TSGA10: variants seen among roughly 807,000 people sequenced by gnomAD.
TSGA10 encodes the protein testis-specific gene 10 protein.
A neutral mutation model predicts 96.6 loss-of-function variants in TSGA10; 43 were observed. The ratio of observed to expected loss-of-function variants is 0.44; its 90% confidence interval spans 0.35 to 0.57. TSGA10 has a LOEUF of 0.57. Among genes scored for constraint, TSGA10 ranks in the 20% least tolerant of loss-of-function variants. TSGA10 has a pLI of 0.01. For missense variants in TSGA10, 703 were observed against 834.4 expected, an observed-to-expected ratio of 0.84 and a Z score of 1.94; for synonymous variants, 229 against 269.9, an observed-to-expected ratio of 0.85 and a Z score of 1.48.
chr2:99,076,752 C>A (rs1049634981), intron 12 of TSGA10, among the ~76,000 whole-genome samples: 1 of 152,142 alleles, frequency 6.6e-6, no homozygotes, highest in Non-Finnish European at 1.5e-5. Context: ...CTCATGAAAG[C>A]CACTGGACTC....
chr2:99,092,679 C>G (rs1031935466), intron 10 of TSGA10, among the ~76,000 whole-genome samples: 2 of 151,954 alleles, frequency 1.3e-5, no homozygotes, highest in Non-Finnish European at 2.9e-5. Context: ...CTAGAGGAGA[C>G]GGATAAATTC....
intron 1 of TSGA10, among the ~76,000 whole-genome samples, chr2:99,131,056 A>T (rs2093057172): frequency 6.6e-6 from 1 of 152,166 alleles, no homozygotes; most frequent in Non-Finnish European, 1.5e-5. Context: ...TATAGTTTGA[A>T]GTCAGGTAGC....
chr2:99,068,551 T>G (rs1476743678), intron 15 of TSGA10, among the ~76,000 whole-genome samples: 1 of 152,128 alleles, frequency 6.6e-6, no homozygotes, highest in Non-Finnish European at 1.5e-5. Flanking sequence ...TGCTACATAA[T>G]CAGGTGGAAC....
chr2:99,074,293 C>T (rs149934202), intron 12 of TSGA10, among the ~76,000 whole-genome samples: 2 of 151,754 alleles, frequency 1.3e-5, no homozygotes, highest in African/African-American at 2.4e-5. Context: ...GGATTACAGG[C>T]GTAAGCCACT....
chr2:99,076,227 CA>C (rs2086685149), intron 12 of TSGA10, among the ~76,000 whole-genome samples: 1 of 152,092 alleles, frequency 6.6e-6, no homozygotes, highest in South Asian at 2.1e-4. Flanking sequence ...AGCCAGAAAC[CA>C]TACCTTGTCA....
At chr2:99,117,803 C>G in intron 3 of TSGA10, 44 bp from the exon 4 acceptor site, 1 of 938,380 alleles carries the variant, frequency 1.1e-6, no homozygotes, top group Non-Finnish European at 1.3e-6. Context: ...AATTCCTTAG[C>G]TTTTTTCTGG....
intron 16 of TSGA10, 105 bp from the exon 17 acceptor site, chr2:99,035,544 T>C (rs2081540077): frequency 1.5e-6 from 1 of 654,442 alleles, no homozygotes; most frequent in African/African-American, 1.8e-5. Flanking sequence ...GTAGTGCACT[T>C]AGATTGTATG....
At chr2:99,053,263 A>G (rs2104374788) in intron 16 of TSGA10, among the ~76,000 whole-genome samples, 1 of 152,244 alleles carries the variant, frequency 6.6e-6, no homozygotes, top group Non-Finnish European at 1.5e-5. Context: ...CAGCATTATC[A>G]TGATACCAGA....
In TSGA10 at chr2:99,109,398, T is replaced by A. The variant is rs1450761164; in HGVS notation, c.42A>T (p.Pro14=). 6.8e-6 allele frequency: 11 copies of A among 1,614,032 alleles called. No individual in the cohort carries two copies. Among genetic ancestry groups the A allele is most frequent in the Non-Finnish European group, 9.3e-6 (11 of 1,179,926 alleles). The change falls in exon 6 of 21, where the codon CCA becomes CCT. Residue 14 remains proline, a synonymous_variant. Transcript: ENST00000393483. ...SRSKSPRRPS[P]TARGANCDVE... ...AGTTTATAAAACCTACCCGGGCAGTTGGTGATGGGCGTCTTGGACTTTTAG... is the reference window on the plus strand; with the variant it reads ...AGTTTATAAAACCTACCCGGGCAGTAGGTGATGGGCGTCTTGGACTTTTAG...
intron 16 of TSGA10, among the ~76,000 whole-genome samples, chr2:99,061,209 A>G (rs2084651317): frequency 6.6e-6 from 1 of 152,242 alleles, no homozygotes; most frequent in Non-Finnish European, 1.5e-5. Flanking sequence ...TGCCAATAAA[A>G]AGATGGGCAA....
chr2:99,084,217 A>T (rs1012482823), intron 10 of TSGA10, among the ~76,000 whole-genome samples: 2 of 152,218 alleles, frequency 1.3e-5, no homozygotes, highest in Non-Finnish European at 2.9e-5. Context: ...TATGCAGCCA[A>T]GGCTGTTAAG....
chr2:99,124,911 T>A (rs1441780976), intron 2 of TSGA10: 1 of 152,144 alleles, frequency 6.6e-6, no homozygotes, highest in Non-Finnish European at 1.5e-5. Flanking sequence ...ATAACTAGTA[T>A]CTATAACTTA....
At chr2:99,031,120 T>A (rs1426620820) in intron 17 of TSGA10, among the ~76,000 whole-genome samples, 1 of 151,352 alleles carries the variant, frequency 6.6e-6, no homozygotes, top group Non-Finnish European at 1.5e-5. Flanking sequence ...TTCTGTGGTA[T>A]TGGGGGAAAG....
In TSGA10 at chr2:99,117,601, G is replaced by T; in HGVS notation, c.-197C>A. The T allele has an allele frequency of 1.0e-6, 1 of 985,568 alleles. No individual in the cohort carries two copies. The highest frequency in any genetic ancestry group is 1.2e-6 in the Non-Finnish European group (1 of 829,884). The allele number at this position is 985,568 out of a possible 1,614,324, so 61.1% of individuals were successfully genotyped here. On this transcript the variant is annotated 5_prime_UTR_variant, in exon 4 of 21. Transcript: ENST00000393483. ...CCACCACAAAATTTTTCTCTTTTTC[G>T]AGTTGCTCTGCTAGTTGGTCAATTT...
intron 10 of TSGA10, among the ~76,000 whole-genome samples, chr2:99,096,419 C>G (rs1261623414): frequency 6.6e-6 from 1 of 152,204 alleles, no homozygotes; most frequent in Non-Finnish European, 1.5e-5. Flanking sequence ...GCCAATGTCA[C>G]GTCTACTGGG....
intron 10 of TSGA10, among the ~76,000 whole-genome samples, chr2:99,100,819 CA>C (rs70940133): frequency 0.025 from 1,742 of 69,704 alleles, 13 homozygotes; most frequent in African/African-American, 0.083. Context: ...GACTCCGTCT[CA>C]AAAAAAAAAA....
At chr2:99,072,164 T>C (rs1422757866) in intron 13 of TSGA10, among the ~76,000 whole-genome samples, 2 of 152,214 alleles carry the variant, frequency 1.3e-5, no homozygotes, top group Admixed American at 6.5e-5. Flanking sequence ...ACTTCTGTTA[T>C]GGCTTAGTCT....
intron 20 of TSGA10, among the ~76,000 whole-genome samples, chr2:99,017,697 G>A (rs984908554): frequency 6.6e-6 from 1 of 150,896 alleles, no homozygotes; most frequent in East Asian, 1.9e-4. Context: ...CCCGGGAGGC[G>A]GAGCTTGCAG....
intron 1 of TSGA10, among the ~76,000 whole-genome samples, chr2:99,133,263 G>A (rs2093178844): frequency 1.3e-5 from 2 of 152,190 alleles, no homozygotes; most frequent in Middle Eastern, 3.4e-3. Flanking sequence ...ATGAATGAGG[G>A]TGCCCTGTAT....
Sources: gnomAD v4.1 joint callset for allele counts (sites outside exome capture counted in the v4.1 genomes callset) on GRCh38, gnomAD v4.1.1 for gene constraint, MANE v1.5 for transcripts, NCBI Gene and HGNC (gene_info 2026-07-23, HGNC 2026-07-21) for gene names.